The following GRIP1 variants were observed in gnomAD, a reference collection of about 807,000 sequenced individuals.
The protein encoded by GRIP1 is glutamate receptor-interacting protein 1.
Under a neutral mutation model 129.9 loss-of-function variants are expected in GRIP1, and 45 were observed. That is an observed-to-expected ratio of 0.35 (90% CI 0.27 to 0.44). GRIP1 has a LOEUF of 0.44. Ranked by LOEUF, GRIP1 falls within the 20% of genes least tolerant of loss-of-function variation. The pLI, the probability that GRIP1 is intolerant of heterozygous loss-of-function variation, is 1.00. For synonymous variants in GRIP1, 530 were observed against 520.8 expected (o/e 1.02, Z -0.24); for missense variants, 1,196 against 1,396.8 (o/e 0.86, Z 2.29).
chr12:66,739,760 A>T (rs981191198), intron 1 of GRIP1, among the ~76,000 whole-genome samples: 2 of 151,908 alleles, frequency 1.3e-5, no homozygotes, highest in Admixed American at 6.6e-5. Context: ...AAAAAAAAAA[A>T]ACCAGTCCTC....
chr12:67,045,167 G>T (rs1278824270), intron 1 of GRIP1, among the ~76,000 whole-genome samples: 2 of 152,126 alleles, frequency 1.3e-5, no homozygotes, highest in African/African-American at 2.4e-5. Flanking sequence ...AGATAATCAA[G>T]ATTCCCAAGT....
At chr12:66,604,818 A>T (rs1164518897) in intron 1 of GRIP1, among the ~76,000 whole-genome samples, 1 of 152,208 alleles carries the variant, frequency 6.6e-6, no homozygotes, top group Non-Finnish European at 1.5e-5. Context: ...GCTATTTAAA[A>T]TCACATTTTA....
chr12:66,854,851 A>G (rs1358166098), intron 1 of GRIP1, among the ~76,000 whole-genome samples: 1 of 152,002 alleles, frequency 6.6e-6, no homozygotes, highest in Non-Finnish European at 1.5e-5. Context: ...CAACATTACT[A>G]TACACACTAC....
intron 15 of GRIP1, among the ~76,000 whole-genome samples, chr12:66,412,638 A>T (rs748065712): frequency 1.8e-4 from 28 of 152,186 alleles, no homozygotes; most frequent in Non-Finnish European, 3.5e-4. Flanking sequence ...ATCAACACTA[A>T]ACTTAAATGT....
chr12:66,984,379 G>A (rs1942651851), intron 1 of GRIP1, among the ~76,000 whole-genome samples: 1 of 152,154 alleles, frequency 6.6e-6, no homozygotes, highest in Admixed American at 6.5e-5. Flanking sequence ...AAGCTACAAG[G>A]TAATCATAAT....
chr12:66,877,649 G>T (rs747757478), intron 1 of GRIP1, among the ~76,000 whole-genome samples: 7 of 151,990 alleles, frequency 4.6e-5, no homozygotes, highest in Non-Finnish European at 8.8e-5. Context: ...TCTCTAATTT[G>T]CACATTTTTT....
At chr12:66,670,810 T>C (rs2034044689) in intron 1 of GRIP1, among the ~76,000 whole-genome samples, 1 of 152,162 alleles carries the variant, frequency 6.6e-6, no homozygotes, top group South Asian at 2.1e-4. Context: ...GTCTCTTTCT[T>C]TTGGATCCAC....
rs538573772 is a variant in GRIP1 at position 66,693,427 on chromosome 12, TG to T, written c.-419-63092del. Among the ~76,000 whole-genome samples, 184 of 152,308 alleles carry T rather than the reference TG, an allele frequency of 1.2e-3. 2 individuals carry two copies. Among genetic ancestry groups the T allele is most frequent in the African/African-American group, 4.1e-3 (171 of 41,562 alleles). ...GACAATGGTGGCCTCTTTGGATATT[TG>T]GGGCATACATTCTCCAGGTCACCCC... On this transcript the variant is annotated intron_variant, in intron 1 of 4. Transcript: ENST00000538373.
At chr12:66,430,466 A>G (rs1173213654) in intron 14 of GRIP1, among the ~76,000 whole-genome samples, 1 of 152,156 alleles carries the variant, frequency 6.6e-6, no homozygotes, top group Non-Finnish European at 1.5e-5. Flanking sequence ...GGGTTTTTAG[A>G]TTGTTGCCAT....
intron 1 of GRIP1, among the ~76,000 whole-genome samples, chr12:66,654,236 A>G (rs1184167706): frequency 6.6e-6 from 1 of 152,226 alleles, no homozygotes; most frequent in East Asian, 1.9e-4. Flanking sequence ...AAATCACAAA[A>G]TGACTAAAAA....
chr12:66,998,118 T>C (rs2042496970), intron 1 of GRIP1, among the ~76,000 whole-genome samples: 1 of 152,138 alleles, frequency 6.6e-6, no homozygotes, highest in Admixed American at 6.5e-5. Flanking sequence ...TATCCATATG[T>C]GGCTATTTAA....
At chr12:66,388,466 A>G (rs2056451585) in intron 19 of GRIP1, among the ~76,000 whole-genome samples, 1 of 151,458 alleles carries the variant, frequency 6.6e-6, no homozygotes, top group Non-Finnish European at 1.5e-5. Flanking sequence ...TACCACCACC[A>G]ATTTGCCAGT....
At chr12:66,520,469 C>T (rs2060966729) in intron 5 of GRIP1, among the ~76,000 whole-genome samples, 1 of 152,188 alleles carries the variant, frequency 6.6e-6, no homozygotes, top group Non-Finnish European at 1.5e-5. Context: ...TCCTCATAAA[C>T]TAATACTGGC....
chr12:66,723,616 T>C (rs2036165169), intron 1 of GRIP1, among the ~76,000 whole-genome samples: 1 of 151,994 alleles, frequency 6.6e-6, no homozygotes, highest in Admixed American at 6.6e-5. Flanking sequence ...CCTGGCCTCA[T>C]TTTCTTTTTG....
At chr12:66,451,506 C>T (rs1170955908) in intron 11 of GRIP1, among the ~76,000 whole-genome samples, 23 of 144,136 alleles carry the variant, frequency 1.6e-4, no homozygotes, top group Admixed American at 1.4e-3. Context: ...TGGGCTCAAG[C>T]GATCCTTCCA....
chr12:66,530,220 AAG>A (rs961704671), intron 4 of GRIP1, among the ~76,000 whole-genome samples: 8 of 152,324 alleles, frequency 5.3e-5, no homozygotes, highest in African/African-American at 1.7e-4. Context: ...TCTACCTAAC[AAG>A]AGAGACAATA....
At chr12:66,369,606 GC>G (rs2055367287) in intron 23 of GRIP1, among the ~76,000 whole-genome samples, 1 of 152,090 alleles carries the variant, frequency 6.6e-6, no homozygotes, top group Non-Finnish European at 1.5e-5. Flanking sequence ...AAAGTACATA[GC>G]ACTTGCTAGG....
At position 66,622,480 on chromosome 12, in the gene GRIP1, C is replaced by T. The variant is rs1321305708; in HGVS notation, c.56-25553G>A. On this transcript the variant is annotated intron_variant, in intron 1 of 24. Coordinates refer to ENST00000359742, the MANE Select transcript of GRIP1 (RefSeq NM_001366722.1). ...ATTGAGATGCTGGATACCCCATTTA[C>T]CCTAATGTAATTATTATACATGATA... Among the ~76,000 whole-genome samples the T allele has an allele frequency of 2.0e-5, 3 of 152,046 alleles. No homozygotes were observed. The East Asian group carries it at 5.8e-4, about 29-fold the overall frequency.
At position 66,740,574 on chromosome 12, in the gene GRIP1, C is replaced by T. The variant is rs551115090; in HGVS notation, c.-420+63479G>A. Among the ~76,000 whole-genome samples, 231 of 152,254 alleles carry T rather than the reference C, an allele frequency of 1.5e-3. 3 individuals carry two copies. The highest frequency in any genetic ancestry group is 0.014 in the Middle Eastern group (4 of 292). ...AAAGATGTTGGAAAAACCACTTAGC[C>T]TTCTGTTGATTCATCCCATTAGAAG... On this transcript the variant is annotated intron_variant, in intron 1 of 4. Coordinates refer to the GRIP1 transcript ENST00000538373.
Sources: allele counts gnomAD v4.1 joint callset (sites outside exome capture counted in the v4.1 genomes callset), GRCh38; gene constraint gnomAD v4.1.1; transcripts MANE v1.5; gene names NCBI Gene and HGNC (gene_info 2026-07-23, HGNC 2026-07-21).